Variants in PTN observed in about 807,000 individuals in gnomAD.
PTN encodes the protein pleiotrophin.
PTN carries 18 observed loss-of-function variants against 24.1 expected under a neutral mutation model. The ratio of observed to expected loss-of-function variants is 0.75; its 90% CI spans 0.52 to 1.11. PTN has a LOEUF of 1.11. PTN is among the 50% of genes least tolerant of loss of function. The pLI, the probability that PTN is intolerant of heterozygous loss-of-function variation, is 0.00. For synonymous variants in PTN, 78 were observed against 68.6 expected (o/e 1.14, Z -0.67); for missense variants, 163 against 198.8 (o/e 0.82, Z 1.08).
At chr7:137,319,593 C>T (rs2128880946) in intron 1 of PTN, among the ~76,000 whole-genome samples, 1 of 152,204 alleles carries the variant, frequency 6.6e-6, no homozygotes, top group South Asian at 2.1e-4. Context: ...AAATGGAAAA[C>T]CCAGGATGTC....
At chr7:137,332,966 G>C (rs911424637) in intron 1 of PTN, among the ~76,000 whole-genome samples, 3 of 152,164 alleles carry the variant, frequency 2.0e-5, no homozygotes, top group African/African-American at 7.2e-5. Flanking sequence ...CTATAGTTTG[G>C]ATGTTTGTCC....
At position 137,287,420 on chromosome 7, in the gene PTN, C is replaced by A. The variant is rs886694614; in HGVS notation, c.-1-32446G>T. ...GGAGTTCCTTTCTGCTTAGGGTCAC[C>A]CAGGATGTGAAATAAGTAAGACAAA... On this transcript the variant is annotated intron_variant, in intron 1 of 4. Transcript: ENST00000348225. Among the ~76,000 whole-genome samples, 4 of 151,936 alleles carry A rather than the reference C, an allele frequency of 2.6e-5. No homozygotes were observed. In the East Asian group the frequency reaches 5.8e-4, roughly 22 times the overall value.
At chr7:137,249,746 T>C (rs1808790278) in intron 4 of PTN, among the ~76,000 whole-genome samples, 1 of 152,182 alleles carries the variant, frequency 6.6e-6, no homozygotes, top group African/African-American at 2.4e-5. Context: ...GCATAAGTAC[T>C]CACTGCAGTC....
chr7:137,337,429 C>T (rs1196784911), intron 1 of PTN, among the ~76,000 whole-genome samples: 1 of 152,060 alleles, frequency 6.6e-6, no homozygotes, highest in East Asian at 1.9e-4. Context: ...TTAAAAATCC[C>T]ACTCAATCTA....
intron 4 of PTN, among the ~76,000 whole-genome samples, chr7:137,234,883 G>T (rs545276618): frequency 6.6e-6 from 1 of 152,142 alleles, no homozygotes; most frequent in East Asian, 1.9e-4. Context: ...GGCCCTGTTC[G>T]CTGCTGACTT....
At chr7:137,283,774 T>A (rs1173988905) in intron 1 of PTN, among the ~76,000 whole-genome samples, 1 of 151,956 alleles carries the variant, frequency 6.6e-6, no homozygotes, top group African/African-American at 2.4e-5. Context: ...TCAGGGACGG[T>A]GATTCTGATC....
chr7:137,329,277 T>A lies in PTN; in HGVS notation c.-2+14162A>T, dbSNP rs150986973. ...GTGAATTGTGCTCAGAAATTTTAAA[T>A]GATGAGAAATAATAAGAACAGAAAG... On this transcript the variant is annotated intron_variant, in intron 1 of 4. Transcript: ENST00000348225. Among the ~76,000 whole-genome samples, 164 of 152,290 alleles carry A rather than the reference T, an allele frequency of 1.1e-3. 1 individual carries two copies. The highest frequency in any genetic ancestry group is 3.6e-3 in the African/African-American group (151 of 41,572).
At chr7:137,316,216 C>T (rs151070892) in intron 1 of PTN, among the ~76,000 whole-genome samples, 53 of 152,262 alleles carry the variant, frequency 3.5e-4, no homozygotes, top group African/African-American at 1.2e-3. Context: ...TTTTCCCAGA[C>T]GATCCGTATC....
intron 1 of PTN, among the ~76,000 whole-genome samples, chr7:137,330,978 A>C (rs1040277839): frequency 2.0e-5 from 3 of 152,226 alleles, no homozygotes; most frequent in Non-Finnish European, 4.4e-5. Context: ...GCTATCTAAT[A>C]GAATTTTATG....
At chr7:137,276,903 G>A (rs984410938) in intron 1 of PTN, among the ~76,000 whole-genome samples, 1 of 152,040 alleles carries the variant, frequency 6.6e-6, no homozygotes, top group African/African-American at 2.4e-5. Context: ...GAGCCTTAAT[G>A]AAATAGTATT....
intron 1 of PTN, among the ~76,000 whole-genome samples, chr7:137,328,881 A>G (rs1318256659): frequency 1.3e-5 from 2 of 152,242 alleles, no homozygotes; most frequent in African/African-American, 4.8e-5. Context: ...AATAAGTGAC[A>G]TAATATGAAG....
intron 1 of PTN, among the ~76,000 whole-genome samples, chr7:137,256,085 A>G (rs1239613561): frequency 6.6e-6 from 1 of 151,828 alleles, no homozygotes; most frequent in African/African-American, 2.4e-5. Context: ...TCTCTAATTT[A>G]TTTTCCTCAT....
At chr7:137,228,498 T>C (rs968446420) in intron 4 of PTN, among the ~76,000 whole-genome samples, 5 of 151,798 alleles carry the variant, frequency 3.3e-5, no homozygotes, top group Admixed American at 6.6e-5. Context: ...TAGCCCCTCA[T>C]TTCCCCCATT....
At chr7:137,319,432 T>C (rs1810127138) in intron 1 of PTN, among the ~76,000 whole-genome samples, 2 of 152,170 alleles carry the variant, frequency 1.3e-5, no homozygotes, top group Non-Finnish European at 2.9e-5. Context: ...CGAGAGTTCT[T>C]TGGGGAGTCG....
chr7:137,339,010 A>G (rs1361880828), intron 1 of PTN, among the ~76,000 whole-genome samples: 4 of 152,072 alleles, frequency 2.6e-5, no homozygotes, highest in Non-Finnish European at 5.9e-5. Context: ...AAATAAATGT[A>G]CACATTTGGA....
chr7:137,236,026 C>T (rs902903983), intron 4 of PTN: 37 of 601,710 alleles, frequency 6.1e-5, no homozygotes, highest in African/African-American at 5.6e-4. Context: ...TATGAAAGCA[C>T]TAGTGAATAA....
At chr7:137,326,581 TC>T (rs1406697555) in intron 1 of PTN, 4 of 152,192 alleles carry the variant, frequency 2.6e-5, no homozygotes, top group African/African-American at 4.8e-5. Context: ...GGAGAGATAG[TC>T]ATTTAAAGTA....
intron 1 of PTN, among the ~76,000 whole-genome samples, chr7:137,340,968 T>C (rs1046309812): frequency 6.6e-6 from 1 of 152,224 alleles, no homozygotes; most frequent in African/African-American, 2.4e-5. Context: ...ATTTGTATTC[T>C]GAATTCTGAC....
At chr7:137,342,483 G>A (rs1010657095) in intron 1 of PTN, among the ~76,000 whole-genome samples, 4 of 151,918 alleles carry the variant, frequency 2.6e-5, no homozygotes, top group Non-Finnish European at 5.9e-5. Flanking sequence ...CAGACACAAG[G>A]GTGAGTTAAC....
Sources: gnomAD v4.1 joint callset for allele counts (sites outside exome capture counted in the v4.1 genomes callset) on GRCh38, gnomAD v4.1.1 for gene constraint, MANE v1.5 for transcripts, NCBI Gene and HGNC (gene_info 2026-07-23, HGNC 2026-07-21) for gene names.